The following SESTD1 variants were observed in gnomAD, a reference collection of about 807,000 sequenced individuals.
SESTD1 encodes SEC14 domain and spectrin repeat-containing protein 1.
In SESTD1, 43 loss-of-function variants were observed where a neutral mutation model predicts 101.7. The ratio of observed to expected loss-of-function variants is 0.42; its 90% CI spans 0.33 to 0.55. SESTD1 has a LOEUF of 0.55. Among genes scored for constraint, SESTD1 ranks in the 20% least tolerant of loss-of-function variants. The pLI is 0.07. For synonymous variants in SESTD1, 283 were observed against 286.8 expected (o/e 0.99, Z 0.13); for missense variants, 647 against 815.1 (o/e 0.79, Z 2.51).
chr2:179,234,939 T>C (rs942886123), intron 1 of SESTD1, among the ~76,000 whole-genome samples: 4 of 143,634 alleles, frequency 2.8e-5, no homozygotes, highest in African/African-American at 1.0e-4. Context: ...TGAGATCTCA[T>C]CTCTTTAAAA....
In SESTD1 at chr2:179,106,287, C is replaced by G. The variant is rs2044380575; in HGVS notation, c.*3612G>C. On this transcript the variant is annotated 3_prime_UTR_variant, in exon 18 of 18. Transcript: ENST00000428443. ...AAGATGTAAAGGACATTAGCAACCA[C>G]AGTATGTTTAGTTTTTAGTAGCAAC... is the stretch of plus-strand genomic sequence containing the variant. The G allele has an allele frequency of 6.6e-6, 1 of 152,132 alleles. No homozygotes were observed. Among genetic ancestry groups the G allele is most frequent in the East Asian group, 1.9e-4 (1 of 5,198 alleles). 9.4% of individuals were successfully genotyped at this position (152,132 alleles called of 1,614,324 possible).
chr2:179,186,845 G>A (rs545016453), intron 2 of SESTD1, among the ~76,000 whole-genome samples: 1 of 152,088 alleles, frequency 6.6e-6, no homozygotes, highest in East Asian at 1.9e-4. Context: ...CAAATGTGTA[G>A]AGCATCAAAA....
intron 1 of SESTD1, among the ~76,000 whole-genome samples, chr2:179,200,585 T>C (rs899988314): frequency 2.0e-5 from 3 of 152,194 alleles, no homozygotes; most frequent in South Asian, 2.1e-4. Context: ...TATAGATCAA[T>C]GGAACCGAAT....
intron 4 of SESTD1, among the ~76,000 whole-genome samples, chr2:179,172,715 G>C (rs550336663): frequency 1.6e-4 from 25 of 152,204 alleles, no homozygotes; most frequent in Middle Eastern, 3.5e-3. Flanking sequence ...TTGAAGAAGA[G>C]GACAAAAAGC....
chr2:179,135,518 C>G (rs1462316148), intron 9 of SESTD1, among the ~76,000 whole-genome samples: 2 of 152,104 alleles, frequency 1.3e-5, no homozygotes, highest in Non-Finnish European at 2.9e-5. Flanking sequence ...CTTTGGGAGG[C>G]TGAGGTGGGC....
chr2:179,122,420 G>C (rs750109177), intron 12 of SESTD1, among the ~76,000 whole-genome samples: 12 of 152,172 alleles, frequency 7.9e-5, no homozygotes, highest in Middle Eastern at 3.4e-3. Context: ...ATACAGTCTA[G>C]CTTCTATACC....
chr2:179,254,811 T>C (rs2047368472), intron 1 of SESTD1, among the ~76,000 whole-genome samples: 1 of 152,224 alleles, frequency 6.6e-6, no homozygotes, highest in South Asian at 2.1e-4. Flanking sequence ...GCTTTGCAGA[T>C]ATTGTATTTT....
At chr2:179,122,737 A>G (rs1298663932) in intron 12 of SESTD1, among the ~76,000 whole-genome samples, 1 of 152,064 alleles carries the variant, frequency 6.6e-6, no homozygotes, top group East Asian at 1.9e-4. Flanking sequence ...TATAACTACC[A>G]ATACAAAAAT....
intron 10 of SESTD1, among the ~76,000 whole-genome samples, chr2:179,130,404 C>T (rs2105425973): frequency 6.6e-6 from 1 of 152,144 alleles, no homozygotes; most frequent in East Asian, 1.9e-4. Context: ...AAGGGCCACC[C>T]TTAAGCGATG....
chr2:179,128,357 G>A (rs1429604344), intron 10 of SESTD1, among the ~76,000 whole-genome samples: 1 of 152,108 alleles, frequency 6.6e-6, no homozygotes, highest in South Asian at 2.1e-4. Context: ...TAGTCTCTCT[G>A]GGATGTGGAG....
At chr2:179,232,547 C>A (rs1251491787) in intron 1 of SESTD1, among the ~76,000 whole-genome samples, 1 of 151,892 alleles carries the variant, frequency 6.6e-6, no homozygotes, top group African/African-American at 2.4e-5. Context: ...TATAAAAACA[C>A]GTATTACAAA....
intron 2 of SESTD1, 77 bp from the exon 3 acceptor site, chr2:179,183,265 T>A: frequency 1.2e-6 from 1 of 849,606 alleles, no homozygotes; most frequent in Non-Finnish European, 1.7e-6. Context: ...TTGAATCCAA[T>A]CTTACTAAAA....
At chr2:179,185,548 G>A (rs1388010325) in intron 2 of SESTD1, among the ~76,000 whole-genome samples, 1 of 131,388 alleles carries the variant, frequency 7.6e-6, no homozygotes, top group Non-Finnish European at 1.5e-5. Context: ...TATATGATAT[G>A]TACATATGTT....
intron 2 of SESTD1, among the ~76,000 whole-genome samples, chr2:179,186,182 G>A (rs1032982089): frequency 6.6e-6 from 1 of 151,430 alleles, no homozygotes; most frequent in Non-Finnish European, 1.5e-5. Flanking sequence ...ACATAAAAAA[G>A]AATAATAGAG....
intron 6 of SESTD1, among the ~76,000 whole-genome samples, chr2:179,151,016 T>C (rs1209569944): frequency 6.6e-6 from 1 of 152,172 alleles, no homozygotes. Context: ...GTACTATTAC[T>C]ATCACCATAT....
intron 1 of SESTD1, among the ~76,000 whole-genome samples, chr2:179,230,388 A>C (rs1051518852): frequency 6.6e-6 from 1 of 151,844 alleles, no homozygotes; most frequent in South Asian, 2.1e-4. Flanking sequence ...TGCCCACCTC[A>C]GCCTCCCAAA....
chr2:179,123,905 T>C (rs2044810440), intron 11 of SESTD1, 76 bp from the exon 12 acceptor site: 3 of 1,071,820 alleles, frequency 2.8e-6, no homozygotes, highest in East Asian at 2.4e-5. Flanking sequence ...ATGAGGTTTA[T>C]ATCTAATGAG....
At chr2:179,154,296 A>C (rs1234969449) in intron 5 of SESTD1, among the ~76,000 whole-genome samples, 1 of 138,886 alleles carries the variant, frequency 7.2e-6, no homozygotes, top group East Asian at 2.5e-4. Flanking sequence ...GAAGGAAGGA[A>C]GAGAGGGAGG....
At chr2:179,219,687 A>G (rs1434253451) in intron 1 of SESTD1, among the ~76,000 whole-genome samples, 1 of 152,260 alleles carries the variant, frequency 6.6e-6, no homozygotes, top group African/African-American at 2.4e-5. Flanking sequence ...TAAATTGGTG[A>G]AGCAAGTCAA....
Sources: allele counts gnomAD v4.1 joint callset (sites outside exome capture counted in the v4.1 genomes callset), GRCh38; gene constraint gnomAD v4.1.1; transcripts MANE v1.5; gene names NCBI Gene and HGNC (gene_info 2026-07-23, HGNC 2026-07-21).